The following MARCHF1 variants were observed in gnomAD, a reference collection of about 807,000 sequenced individuals.
MARCHF1 encodes the protein E3 ubiquitin-protein ligase MARCHF1.
In MARCHF1, 40 loss-of-function variants were observed where a neutral mutation model predicts 54.2. That is an observed-to-expected ratio of 0.74 (90% confidence interval 0.57 to 0.96). The LOEUF is 0.96. Among genes scored for constraint, MARCHF1 ranks in the 40% least tolerant of loss-of-function variants. The probability of loss-of-function intolerance (pLI) is 0.00; values close to 1 mark genes in which losing one functional copy is unlikely to be tolerated. For missense variants in MARCHF1, 586 were observed against 656.5 expected (o/e 0.89, Z 1.17); for synonymous variants, 236 against 236.3 (o/e 1.00, Z 0.01).
chr4:163,959,818 G>T (rs1381189966), intron 3 of MARCHF1, among the ~76,000 whole-genome samples: 1 of 151,814 alleles, frequency 6.6e-6, no homozygotes, highest in Non-Finnish European at 1.5e-5. Context: ...TTGACTAATG[G>T]GATCTAATTA....
chr4:163,765,677 A>G (rs907123741), intron 4 of MARCHF1, among the ~76,000 whole-genome samples: 1 of 151,860 alleles, frequency 6.6e-6, no homozygotes, highest in African/African-American at 2.4e-5. Context: ...GTTAAACACC[A>G]CTGCCTCAGA....
At chr4:163,745,114 T>TC (rs1491545853) in intron 4 of MARCHF1, among the ~76,000 whole-genome samples, 1 of 150,590 alleles carries the variant, frequency 6.6e-6, no homozygotes, top group East Asian at 1.9e-4. Flanking sequence ...TTTCTTTCTT[T>TC]CTTTTTTTTT....
chr4:164,133,027 A>C (rs1396322839), intron 1 of MARCHF1, among the ~76,000 whole-genome samples: 3 of 152,186 alleles, frequency 2.0e-5, no homozygotes, highest in Admixed American at 2.0e-4. Context: ...GACGGAATAA[A>C]GTATCCCAGA....
intron 1 of MARCHF1, among the ~76,000 whole-genome samples, chr4:164,276,864 A>G: frequency 9.1e-6 from 1 of 109,890 alleles, no homozygotes; most frequent in Non-Finnish European, 2.2e-5. Flanking sequence ...CTATATGTTT[A>G]TATATTACAT....
chr4:164,141,975 G>T (rs1013099272), intron 1 of MARCHF1, among the ~76,000 whole-genome samples: 1 of 152,170 alleles, frequency 6.6e-6, no homozygotes, highest in African/African-American at 2.4e-5. Flanking sequence ...CACCGTGAGC[G>T]AGCCAAAGTA....
chr4:164,139,023 G>A (rs533717150), intron 1 of MARCHF1, among the ~76,000 whole-genome samples: 72 of 152,204 alleles, frequency 4.7e-4, no homozygotes, highest in Non-Finnish European at 6.2e-4. Context: ...TTCTGCATAT[G>A]TAAAATGTAT....
At chr4:164,004,401 A>G (rs1463702245) in intron 2 of MARCHF1, among the ~76,000 whole-genome samples, 1 of 152,160 alleles carries the variant, frequency 6.6e-6, no homozygotes, top group African/African-American at 2.4e-5. Flanking sequence ...AATGGACAGA[A>G]CCAAAAGTAG....
intron 2 of MARCHF1, among the ~76,000 whole-genome samples, chr4:164,048,030 T>C (rs2111035752): frequency 6.6e-6 from 1 of 152,272 alleles, no homozygotes; most frequent in Non-Finnish European, 1.5e-5. Flanking sequence ...ATTTTTTCTG[T>C]TAAAAAATTT....
At chr4:164,037,503 T>A (rs1402167861) in intron 2 of MARCHF1, among the ~76,000 whole-genome samples, 3 of 152,144 alleles carry the variant, frequency 2.0e-5, no homozygotes, top group Non-Finnish European at 4.4e-5. Flanking sequence ...TAAATTTCCA[T>A]AAATTCACAC....
rs182136835 is a variant in MARCHF1, at chr4:163,533,798, G to T, written c.1340-4752C>A. Among the ~76,000 whole-genome samples the T allele has an allele frequency of 9.2e-4, 139 of 151,368 alleles. 1 individual carries two copies. The highest frequency in any genetic ancestry group is 1.6e-3 in the Admixed American group (24 of 15,132). The stretch of plus-strand genomic sequence containing the variant: ...CTTCGAGTAAGAGATGGGTTTGTGA[G>T]CATTTAGGTATTTGGAAATTGGTAA... On this transcript the variant is annotated intron_variant, in intron 9 of 9. Coordinates refer to ENST00000514618, the MANE Select transcript of MARCHF1 (RefSeq NM_001394959.1).
intron 4 of MARCHF1, among the ~76,000 whole-genome samples, chr4:163,800,926 A>T (rs1259535055): frequency 2.0e-5 from 3 of 152,108 alleles, no homozygotes; most frequent in Non-Finnish European, 2.9e-5. Flanking sequence ...ATAACTGAGA[A>T]GTTCAAGGTG....
At chr4:163,948,569 G>T (rs767104662) in intron 3 of MARCHF1, among the ~76,000 whole-genome samples, 3 of 152,198 alleles carry the variant, frequency 2.0e-5, no homozygotes, top group Non-Finnish European at 4.4e-5. Context: ...AGGATAGGTT[G>T]TTTTTCAGAA....
chr4:164,065,353 G>A (rs1382345072), intron 2 of MARCHF1, among the ~76,000 whole-genome samples: 3 of 152,180 alleles, frequency 2.0e-5, no homozygotes, highest in Non-Finnish European at 4.4e-5. Context: ...AGACAACCTA[G>A]GCAATACCAT....
At chr4:163,992,944 G>T (rs867952617) in intron 2 of MARCHF1, among the ~76,000 whole-genome samples, 1 of 151,918 alleles carries the variant, frequency 6.6e-6, no homozygotes, top group Non-Finnish European at 1.5e-5. Context: ...GAGGAAACCT[G>T]GATTGAATGG....
intron 7 of MARCHF1, among the ~76,000 whole-genome samples, chr4:163,598,957 ACTTT>A (rs1326067651): frequency 6.6e-6 from 1 of 152,214 alleles, no homozygotes; most frequent in African/African-American, 2.4e-5. Context: ...TAAAAGATTT[ACTTT>A]CTTTCTATTC....
intron 2 of MARCHF1, among the ~76,000 whole-genome samples, chr4:164,072,242 C>T (rs996235284): frequency 1.3e-5 from 2 of 152,128 alleles, no homozygotes; most frequent in Admixed American, 6.5e-5. Context: ...TATAATTTCC[C>T]GTCATTTATT....
chr4:164,037,432 T>C (rs1241696589), intron 2 of MARCHF1, among the ~76,000 whole-genome samples: 2 of 152,170 alleles, frequency 1.3e-5, no homozygotes, highest in African/African-American at 4.8e-5. Flanking sequence ...TGATAAGCAA[T>C]ATATTTTAGT....
chr4:164,126,138 T>G (rs1756174865), intron 1 of MARCHF1, among the ~76,000 whole-genome samples: 1 of 152,230 alleles, frequency 6.6e-6, no homozygotes, highest in Non-Finnish European at 1.5e-5. Flanking sequence ...TGGATGCTTT[T>G]GTCCTTCCAA....
At chr4:164,263,187 T>G (rs1021397414) in intron 1 of MARCHF1, among the ~76,000 whole-genome samples, 1 of 151,830 alleles carries the variant, frequency 6.6e-6, no homozygotes, top group African/African-American at 2.4e-5. Context: ...GAGGTAGACC[T>G]AGGAAGACTA....
Sources: allele counts gnomAD v4.1 joint callset (sites outside exome capture counted in the v4.1 genomes callset), GRCh38; gene constraint gnomAD v4.1.1; transcripts MANE v1.5; gene names NCBI Gene and HGNC (gene_info 2026-07-23, HGNC 2026-07-21).